Variants in KSR2 observed in about 807,000 individuals in gnomAD.
KSR2 encodes the protein kinase suppressor of ras 2.
In KSR2, 25 loss-of-function variants were observed where a neutral mutation model predicts 107.8. The observed-to-expected ratio is 0.23, with a 90% CI of 0.17 to 0.32. The LOEUF is 0.32. Among genes scored for constraint, KSR2 ranks in the 10% least tolerant of loss-of-function variants. The probability of loss-of-function intolerance (pLI) is 1.00; values close to 1 mark genes in which losing one functional copy is unlikely to be tolerated. For synonymous variants in KSR2, 480 were observed against 507.0 expected, an observed-to-expected ratio of 0.95 and a Z score of 0.71; for missense variants, 887 against 1,268.9, an observed-to-expected ratio of 0.70 and a Z score of 4.57.
chr12:117,475,666 G>A (rs967768372), intron 17 of KSR2, among the ~76,000 whole-genome samples: 2 of 152,162 alleles, frequency 1.3e-5, no homozygotes, highest in Non-Finnish European at 2.9e-5. Context: ...GAGAGAGTAG[G>A]GGCCTCTGGT....
chr12:117,866,300 G>A (rs1893468514), intron 1 of KSR2, among the ~76,000 whole-genome samples: 1 of 152,042 alleles, frequency 6.6e-6, no homozygotes, highest in Non-Finnish European at 1.5e-5. Context: ...CACTCCTCCT[G>A]CCTCAGCCTC....
chr12:117,739,286 A>T (rs4767608), intron 4 of KSR2, among the ~76,000 whole-genome samples: 1 of 151,742 alleles, frequency 6.6e-6, no homozygotes, highest in Non-Finnish European at 1.5e-5. Context: ...ACCTGGGAGG[A>T]GGAGCTTGCA....
At chr12:117,945,599 C>T (rs7304471) in intron 1 of KSR2, among the ~76,000 whole-genome samples, 54,219 of 152,008 alleles carry the variant, frequency 0.36, 9,881 homozygotes, top group East Asian at 0.41. Flanking sequence ...ACTTGAACCT[C>T]GGAGGTAGAG....
At chr12:117,543,078 C>T (rs983200918) in intron 9 of KSR2, among the ~76,000 whole-genome samples, 11 of 152,232 alleles carry the variant, frequency 7.2e-5, no homozygotes, top group Middle Eastern at 6.8e-3. Context: ...GATAAAGCTG[C>T]TATAAACATT....
chr12:117,623,109 C>A (rs556465494), intron 5 of KSR2, among the ~76,000 whole-genome samples: 4 of 152,374 alleles, frequency 2.6e-5, no homozygotes, highest in African/African-American at 9.6e-5. Flanking sequence ...CTTTAAATTT[C>A]ATAATGCAAA....
intron 5 of KSR2, among the ~76,000 whole-genome samples, chr12:117,625,585 T>C (rs1882451953): frequency 6.6e-6 from 1 of 152,206 alleles, no homozygotes; most frequent in African/African-American, 2.4e-5. Flanking sequence ...CTTTTTGATG[T>C]GCTGCTGGAT....
intron 9 of KSR2, among the ~76,000 whole-genome samples, chr12:117,553,708 G>T (rs1877466608): frequency 6.6e-6 from 1 of 152,124 alleles, no homozygotes; most frequent in Non-Finnish European, 1.5e-5. Context: ...TCACAGGGGT[G>T]GATCCCTCAA....
Position 117,906,308 on chromosome 12 carries a change from G to A in KSR2, c.181-45877C>T, listed in dbSNP as rs190383290. 1.5e-3 allele frequency among the ~76,000 whole-genome samples: 218 copies of A among 149,440 alleles called. 3 individuals carry two copies. The highest frequency in any genetic ancestry group is 5.1e-3 in the African/African-American group (205 of 40,466). Reference sequence around the variant, plus strand: ...GCAGAGGTTGTGGTGAGCCGAGATCGGGCCATTGCACTCCAGCCTGGGTGA... The same window carrying A: ...GCAGAGGTTGTGGTGAGCCGAGATCAGGCCATTGCACTCCAGCCTGGGTGA... On this transcript the variant is annotated intron_variant, in intron 1 of 19. Transcript: ENST00000339824.
Position 117,457,756 on chromosome 12 carries a change from C to A in KSR2, c.*9443G>T, listed in dbSNP as rs1870693634. The A allele has an allele frequency of 6.6e-6, 1 of 152,254 alleles. No homozygotes were observed. Among genetic ancestry groups the A allele is most frequent in the African/African-American group, 2.4e-5 (1 of 41,440 alleles). 9.4% of individuals were successfully genotyped at this position (152,254 alleles called of 1,614,324 possible). On this transcript the variant is annotated 3_prime_UTR_variant, in exon 20 of 20. Transcript: ENST00000339824. ...GAGAGTTGAGGAAGCTGCTTAACAT[C>A]CTCCAATGCCCAGGACAGTCGCCAC...
At chr12:117,898,335 C>CT (rs763844468) in intron 1 of KSR2, among the ~76,000 whole-genome samples, 1,665 of 144,024 alleles carry the variant, frequency 0.012, 12 homozygotes, top group East Asian at 0.018. Flanking sequence ...TTTTTTTTAA[C>CT]TTTTTTTTTT....
chr12:117,952,835 AT>A (rs1336284746), intron 1 of KSR2, among the ~76,000 whole-genome samples: 1 of 151,904 alleles, frequency 6.6e-6, no homozygotes, highest in South Asian at 2.1e-4. Context: ...AAATACAAAA[AT>A]TAGCTGGGCG....
intron 4 of KSR2, among the ~76,000 whole-genome samples, chr12:117,732,451 G>A (rs974750150): frequency 3.3e-5 from 5 of 151,952 alleles, no homozygotes; most frequent in East Asian, 1.9e-4. Context: ...ACTATGCCCC[G>A]CTAATTTTTT....
intron 3 of KSR2, among the ~76,000 whole-genome samples, chr12:117,805,848 G>T (rs549731679): frequency 2.2e-4 from 33 of 152,264 alleles, no homozygotes; most frequent in Non-Finnish European, 3.8e-4. Context: ...CAGGTGTGGG[G>T]GTGTGTGCCT....
intron 14 of KSR2, among the ~76,000 whole-genome samples, chr12:117,518,369 C>A (rs1279709396): frequency 6.6e-6 from 1 of 152,182 alleles, no homozygotes; most frequent in East Asian, 1.9e-4. Context: ...TCGCCCCATC[C>A]TACCCCAATC....
rs369066361 is a variant in KSR2 at position 117,756,579 on chromosome 12, C to G, written c.986+4432G>C. ...GACAATGCATGTGCTCAACCAAAACCTCTGATGAAGATGTACAAACAGATT... is the reference window on the plus strand; with the variant it reads ...GACAATGCATGTGCTCAACCAAAACGTCTGATGAAGATGTACAAACAGATT... On this transcript the variant is annotated intron_variant, in intron 4 of 19. Coordinates refer to ENST00000339824, the MANE Select transcript of KSR2 (RefSeq NM_173598.6). Among the ~76,000 whole-genome samples the G allele has an allele frequency of 5.3e-5, 8 of 152,332 alleles. No homozygotes were observed. The East Asian group carries it at 1.3e-3, about 26-fold the overall frequency.
chr12:117,894,075 A>G (rs1004356539), intron 1 of KSR2, among the ~76,000 whole-genome samples: 2 of 151,980 alleles, frequency 1.3e-5, no homozygotes, highest in African/African-American at 2.4e-5. Flanking sequence ...ACACCCGGCT[A>G]ATTTTTTGTA....
At chr12:117,938,749 T>TAAAC (rs1028570447) in intron 1 of KSR2, among the ~76,000 whole-genome samples, 4 of 152,058 alleles carry the variant, frequency 2.6e-5, no homozygotes. Flanking sequence ...AAACTGTCTC[T>TAAAC]AAACAAACAA....
At chr12:117,688,110 T>A (rs1348089132) in intron 4 of KSR2, among the ~76,000 whole-genome samples, 1 of 152,210 alleles carries the variant, frequency 6.6e-6, no homozygotes, top group Non-Finnish European at 1.5e-5. Context: ...CCGGGTGTGG[T>A]GGCTCACGCC....
chr12:117,506,843 ATG>A (rs574197582), intron 14 of KSR2, among the ~76,000 whole-genome samples: 10 of 151,554 alleles, frequency 6.6e-5, no homozygotes, highest in South Asian at 2.1e-4. Context: ...TTATATATGT[ATG>A]TGTGTGTGTG....
Sources: gnomAD v4.1 joint callset for allele counts (sites outside exome capture counted in the v4.1 genomes callset) on GRCh38, gnomAD v4.1.1 for gene constraint, MANE v1.5 for transcripts, NCBI Gene and HGNC (gene_info 2026-07-23, HGNC 2026-07-21) for gene names.